Variants in PLXNA4 observed in about 807,000 individuals in gnomAD.
PLXNA4 encodes the protein plexin-A4.
In PLXNA4, 44 loss-of-function variants were observed where a neutral mutation model predicts 191.8. That is an observed-to-expected ratio of 0.23 (90% confidence interval 0.18 to 0.29). PLXNA4 has a LOEUF of 0.29. Ranked by LOEUF, PLXNA4 falls within the 10% of genes least tolerant of loss-of-function variation. PLXNA4 has a pLI of 1.00. For synonymous variants in PLXNA4, 1,082 were observed against 1,009.5 expected, an observed-to-expected ratio of 1.07 and a Z score of -1.36; for missense variants, 1,800 against 2,488.8, an observed-to-expected ratio of 0.72 and a Z score of 5.89.
chr7:132,135,730 G>A (rs1446195178), intron 30 of PLXNA4, among the ~76,000 whole-genome samples: 1 of 152,190 alleles, frequency 6.6e-6, no homozygotes, highest in African/African-American at 2.4e-5. Context: ...GAGTAGGGTA[G>A]GACAGGGCTG....
At chr7:132,203,230 C>A in intron 11 of PLXNA4, 93 bp downstream of exon 11, 1 of 1,159,748 alleles carries the variant, frequency 8.6e-7, no homozygotes, top group Non-Finnish European at 1.3e-6. Flanking sequence ...GAGGCGGGGG[C>A]AGAATGACTC....
At chr7:132,466,515 G>T (rs1166838040) in intron 3 of PLXNA4, among the ~76,000 whole-genome samples, 2 of 152,238 alleles carry the variant, frequency 1.3e-5, no homozygotes, top group Non-Finnish European at 2.9e-5. Flanking sequence ...ACGCAGAGCA[G>T]CATCCACACT....
At position 132,643,656 on chromosome 7, in the gene PLXNA4, T is replaced by TA. The variant is rs1803797029; in HGVS notation, c.-87+2271dup. Among the ~76,000 whole-genome samples the TA allele has an allele frequency of 8.5e-5, 13 of 152,260 alleles. 1 individual carries two copies. The South Asian group carries it at 2.5e-3, about 29-fold the overall frequency. On this transcript the variant is annotated intron_variant, in intron 2 of 4. Transcript: ENST00000378539. ...ATTTGGTGATCCAACAAGCCTTTTT[T>TA]AAAAAGAATGAGGGCCTGGCGAGGT... is the stretch of plus-strand genomic sequence containing the variant.
At chr7:132,490,131 G>GCTCCGAC (rs1797730988) in intron 2 of PLXNA4, among the ~76,000 whole-genome samples, 1 of 152,230 alleles carries the variant, frequency 6.6e-6, no homozygotes, top group South Asian at 2.1e-4. Context: ...TGCTTTATGA[G>GCTCCGAC]CTCCGACCTC....
intron 11 of PLXNA4, 85 bp downstream of exon 11, chr7:132,203,238 C>T (rs1797500927): frequency 7.9e-7 from 1 of 1,273,780 alleles, no homozygotes. Flanking sequence ...GGCAGAATGA[C>T]TCCCGCGAGA....
In PLXNA4 at chr7:132,185,331, G is replaced by A. The variant is rs772829574; in HGVS notation, c.3126C>T (p.Ile1042=). 2.2e-5 allele frequency: 36 copies of A among 1,613,778 alleles called. No individual in the cohort carries two copies. In the African/African-American group the frequency reaches 2.5e-4, roughly 11 times the overall value. The part of the protein sequence containing the change: ...LVFQYVEDPT[I]VRIEPEWSIV... ...TGCTCCATTCTGGCTCAATCCGCAC[G>A]ATGGTGGGGTCTTCCACATACTGAA... The change falls in exon 16 of 32, where the codon ATC becomes ATT. Residue 1042 remains isoleucine (I), a synonymous_variant. Coordinates refer to ENST00000321063, the MANE Select transcript of PLXNA4 (RefSeq NM_020911.2).
intron 4 of PLXNA4, among the ~76,000 whole-genome samples, chr7:132,242,873 T>C (rs1798928575): frequency 6.6e-6 from 1 of 152,184 alleles, no homozygotes; most frequent in Non-Finnish European, 1.5e-5. Context: ...AGCCAAGAAT[T>C]TGCCCTCTTT....
intron 13 of PLXNA4, among the ~76,000 whole-genome samples, chr7:132,196,862 G>T (rs1026309569): frequency 1.3e-5 from 2 of 151,898 alleles, no homozygotes; most frequent in Admixed American, 6.6e-5. Flanking sequence ...TATGACTTTC[G>T]GTTCTTTTTT....
At chr7:132,180,064 T>A in intron 19 of PLXNA4, 143 bp from the exon 20 acceptor site, 1 of 1,391,052 alleles carries the variant, frequency 7.2e-7, no homozygotes, top group Non-Finnish European at 9.5e-7. Context: ...CAAGAGGGCA[T>A]GGGGGGCTGG....
At chr7:132,450,679 C>G (rs10230749) in intron 3 of PLXNA4, among the ~76,000 whole-genome samples, 2 of 152,194 alleles carry the variant, frequency 1.3e-5, no homozygotes, top group African/African-American at 4.8e-5. Context: ...AGCAGAGGAA[C>G]CTGCTCAGCC....
chr7:132,520,504 A>AG (rs1799134064), intron 1 of PLXNA4, among the ~76,000 whole-genome samples: 1 of 152,206 alleles, frequency 6.6e-6, no homozygotes, highest in Non-Finnish European at 1.5e-5. Flanking sequence ...ACCCCTCGAC[A>AG]GGTTGACTCT....
chr7:132,140,946 G>A, intron 29 of PLXNA4, 135 bp from the exon 30 acceptor site: 2 of 1,437,114 alleles, frequency 1.4e-6, no homozygotes, highest in South Asian at 2.9e-5. Flanking sequence ...TGCTGCGGAT[G>A]GGATGTGCCA....
chr7:132,431,451 G>C (rs1795258676), intron 3 of PLXNA4, among the ~76,000 whole-genome samples: 2 of 152,178 alleles, frequency 1.3e-5, no homozygotes, highest in Non-Finnish European at 2.9e-5. Flanking sequence ...CCCATGTGGG[G>C]ACCTTTGTCA....
chr7:132,345,484 A>G (rs1473484648), intron 3 of PLXNA4, among the ~76,000 whole-genome samples: 1 of 152,190 alleles, frequency 6.6e-6, no homozygotes, highest in Non-Finnish European at 1.5e-5. Flanking sequence ...CACAATTACA[A>G]CAACTACCTA....
At chr7:132,201,885 T>A (rs1269199933) in intron 12 of PLXNA4, among the ~76,000 whole-genome samples, 1 of 152,078 alleles carries the variant, frequency 6.6e-6, no homozygotes, top group Non-Finnish European at 1.5e-5. Flanking sequence ...GCTGGTGAGA[T>A]CCCCATGAGC....
chr7:132,143,577 C>T (rs4728251), intron 29 of PLXNA4, among the ~76,000 whole-genome samples: 67,692 of 152,032 alleles, frequency 0.45, 18,180 homozygotes, highest in East Asian at 0.73. Flanking sequence ...AGGCTGCTAA[C>T]ATTCAATGGA....
intron 1 of PLXNA4, among the ~76,000 whole-genome samples, chr7:132,554,784 T>C (rs1392225626): frequency 1.3e-5 from 2 of 152,082 alleles, no homozygotes; most frequent in Admixed American, 6.6e-5. Context: ...ATATCACCTA[T>C]TGGAGGCAAG....
At chr7:132,192,395 GGAA>G (rs534901211) in intron 14 of PLXNA4, among the ~76,000 whole-genome samples, 87 of 151,552 alleles carry the variant, frequency 5.7e-4, no homozygotes, top group African/African-American at 2.0e-3. Flanking sequence ...AGTTGAAGAA[GGAA>G]GAAGGAGGAG....
intron 10 of PLXNA4, among the ~76,000 whole-genome samples, chr7:132,207,142 C>T (rs1797650692): frequency 6.6e-6 from 1 of 152,170 alleles, no homozygotes; most frequent in Admixed American, 6.6e-5. Context: ...CCTAATGCCA[C>T]ACAAGAAGCT....
Sources: gnomAD v4.1 joint callset for allele counts (sites outside exome capture counted in the v4.1 genomes callset) on GRCh38, gnomAD v4.1.1 for gene constraint, MANE v1.5 for transcripts, NCBI Gene and HGNC (gene_info 2026-07-23, HGNC 2026-07-21) for gene names.